CACNA1A: variants seen among roughly 807,000 people sequenced by gnomAD.
CACNA1A encodes voltage-dependent P/Q-type calcium channel subunit alpha-1A.
In CACNA1A, 57 loss-of-function variants were observed where a neutral mutation model predicts 262.4. That is an observed-to-expected ratio of 0.22 (90% CI 0.18 to 0.27). The LOEUF (loss-of-function observed/expected upper bound fraction) is 0.27, where lower values mean the gene tolerates loss of function less well. Among genes scored for constraint, CACNA1A ranks in the 10% least tolerant of loss-of-function variants. The pLI, the probability that CACNA1A is intolerant of heterozygous loss-of-function variation, is 1.00. For missense variants in CACNA1A, 2,526 were observed against 3,562.8 expected, an observed-to-expected ratio of 0.71 and a Z score of 7.41; for synonymous variants, 1,431 against 1,419.3, an observed-to-expected ratio of 1.01 and a Z score of -0.18.
chr19:13,450,076 G>A (rs1393892593), intron 3 of CACNA1A, among the ~76,000 whole-genome samples: 1 of 149,142 alleles, frequency 6.7e-6, no homozygotes, highest in African/African-American at 2.5e-5. Flanking sequence ...GGGAGGCAGA[G>A]GCTGCAGTGA....
At chr19:13,288,923 G>C (rs189148283) in intron 19 of CACNA1A, among the ~76,000 whole-genome samples, 295 of 152,286 alleles carry the variant, frequency 1.9e-3, no homozygotes, top group Admixed American at 3.0e-3. Flanking sequence ...AAGTGGAAGA[G>C]AGACAAGCTA....
chr19:13,492,545 A>T (rs1056199730), intron 1 of CACNA1A, among the ~76,000 whole-genome samples: 1 of 152,220 alleles, frequency 6.6e-6, no homozygotes, highest in African/African-American at 2.4e-5. Context: ...TCCTAGGGAA[A>T]CAGTGACAGA....
At chr19:13,405,058 C>G (rs557430763) in intron 3 of CACNA1A, among the ~76,000 whole-genome samples, 1 of 151,872 alleles carries the variant, frequency 6.6e-6, no homozygotes, top group Non-Finnish European at 1.5e-5. Flanking sequence ...CCACCACACC[C>G]GGCTAATTTT....
chr19:13,229,067 G>C (rs558753426), intron 36 of CACNA1A: 3 of 216,902 alleles, frequency 1.4e-5, no homozygotes, highest in African/African-American at 7.1e-5. Context: ...AGGGGTGGGG[G>C]GGGGCTTGTG....
intron 1 of CACNA1A, among the ~76,000 whole-genome samples, chr19:13,478,041 C>T (rs923129879): frequency 3.3e-5 from 5 of 152,108 alleles, no homozygotes; most frequent in South Asian, 4.2e-4. Context: ...GACAAATCTT[C>T]GTCTCTCTGT....
chr19:13,473,423 G>A (rs778870254), intron 1 of CACNA1A, among the ~76,000 whole-genome samples: 6 of 152,130 alleles, frequency 3.9e-5, no homozygotes, highest in Non-Finnish European at 7.4e-5. Flanking sequence ...TTCTTCTCTA[G>A]AGCCGTCCAA....
intron 3 of CACNA1A, among the ~76,000 whole-genome samples, chr19:13,435,992 T>A (rs2060605821): frequency 6.6e-6 from 1 of 152,002 alleles, no homozygotes; most frequent in Non-Finnish European, 1.5e-5. Context: ...ACCCAGCTAA[T>A]TTTTGTATTT....
At chr19:13,360,400 C>T (rs1465247851) in intron 5 of CACNA1A, among the ~76,000 whole-genome samples, 1 of 151,634 alleles carries the variant, frequency 6.6e-6, no homozygotes, top group Admixed American at 6.6e-5. Context: ...TAGACACTTA[C>T]CTATTTACTT....
At chr19:13,326,428 T>C (rs1256830929) in intron 10 of CACNA1A, among the ~76,000 whole-genome samples, 3 of 152,190 alleles carry the variant, frequency 2.0e-5, no homozygotes, top group African/African-American at 7.2e-5. Context: ...CAATTAGGAA[T>C]GAACCTGCTT....
chr19:13,349,948 G>A (rs1034511745), intron 6 of CACNA1A, among the ~76,000 whole-genome samples: 13 of 152,168 alleles, frequency 8.5e-5, no homozygotes, highest in South Asian at 4.1e-4. Context: ...GAAGAGGCCC[G>A]TCTAGTGGGC....
intron 35 of CACNA1A, among the ~76,000 whole-genome samples, chr19:13,231,177 ATTT>A (rs71168692): frequency 7.2e-6 from 1 of 139,140 alleles, no homozygotes; most frequent in Non-Finnish European, 1.6e-5. Flanking sequence ...AGCTAATTCA[ATTT>A]TTTTTTTTTT....
chr19:13,432,456 A>T (rs2060526928), intron 3 of CACNA1A, among the ~76,000 whole-genome samples: 1 of 135,414 alleles, frequency 7.4e-6, no homozygotes, highest in African/African-American at 2.8e-5. Context: ...AATAAAAATT[A>T]AAAATTTCAA....
At chr19:13,295,544 T>C (rs1173309319) in intron 19 of CACNA1A, among the ~76,000 whole-genome samples, 1 of 151,568 alleles carries the variant, frequency 6.6e-6, no homozygotes, top group Non-Finnish European at 1.5e-5. Flanking sequence ...CAGGTTGGAA[T>C]GCAATGGCAT....
At chr19:13,388,550 G>A (rs2059659085) in intron 3 of CACNA1A, among the ~76,000 whole-genome samples, 1 of 152,170 alleles carries the variant, frequency 6.6e-6, no homozygotes, top group Non-Finnish European at 1.5e-5. Flanking sequence ...GCCACCCCCT[G>A]GCGAGAAAAC....
intron 19 of CACNA1A, among the ~76,000 whole-genome samples, chr19:13,295,659 T>C (rs1400298317): frequency 6.6e-6 from 1 of 152,082 alleles, no homozygotes; most frequent in Non-Finnish European, 1.5e-5. Flanking sequence ...ACCTGGCTAA[T>C]TAAAAAACTT....
intron 1 of CACNA1A, among the ~76,000 whole-genome samples, chr19:13,470,655 T>G (rs2145033705): frequency 6.6e-6 from 1 of 152,334 alleles, no homozygotes; most frequent in Non-Finnish European, 1.5e-5. Context: ...GGCATCCTGG[T>G]AGAGGCAGGG....
At chr19:13,384,707 A>C (rs2059579986) in intron 3 of CACNA1A, among the ~76,000 whole-genome samples, 4 of 152,068 alleles carry the variant, frequency 2.6e-5, no homozygotes, top group Admixed American at 1.3e-4. Context: ...TCTCAAGAAA[A>C]CCCCCCAAAA....
intron 17 of CACNA1A, among the ~76,000 whole-genome samples, chr19:13,300,936 G>T (rs1172379228): frequency 2.8e-5 from 4 of 144,410 alleles, no homozygotes; most frequent in Non-Finnish European, 6.1e-5. Context: ...CTTTCCTGCA[G>T]CCTATTTTTT....
At chr19:13,488,396 T>C (rs1405372891) in intron 1 of CACNA1A, among the ~76,000 whole-genome samples, 4 of 124,334 alleles carry the variant, frequency 3.2e-5, no homozygotes, top group Admixed American at 7.7e-5. Context: ...TTTTCTTTTT[T>C]TTTTTTTTTT....
Sources: gnomAD v4.1 joint callset for allele counts (sites outside exome capture counted in the v4.1 genomes callset) on GRCh38, gnomAD v4.1.1 for gene constraint, MANE v1.5 for transcripts, NCBI Gene and HGNC (gene_info 2026-07-23, HGNC 2026-07-21) for gene names.